TET1: variants seen among roughly 807,000 people sequenced by gnomAD.
TET1 encodes the protein tet methylcytosine dioxygenase 1, also known as methylcytosine dioxygenase TET1.
Under a neutral mutation model 148.7 loss-of-function variants are expected in TET1, and 13 were observed. The observed-to-expected ratio is 0.09, with a 90% CI of 0.06 to 0.14. TET1 has a LOEUF of 0.14. Ranked by LOEUF, TET1 falls within the 10% of genes least tolerant of loss-of-function variation. TET1 has a pLI of 1.00. For missense variants in TET1, 2,182 were observed against 2,553.8 expected, an observed-to-expected ratio of 0.85 and a Z score of 3.14; for synonymous variants, 907 against 937.2, an observed-to-expected ratio of 0.97 and a Z score of 0.59.
chr10:68,636,886 T>A (rs2054657987), intron 3 of TET1, among the ~76,000 whole-genome samples: 1 of 152,120 alleles, frequency 6.6e-6, no homozygotes, highest in African/African-American at 2.4e-5. Context: ...ATGGCTGTAG[T>A]CAGTAGGGAA....
chr10:68,645,497 C>T lies in TET1; in HGVS notation c.2768C>T (p.Thr923Ile), dbSNP rs201601232. The change falls in exon 4 of 12, where the codon ACA (threonine) becomes ATA (isoleucine). Residue 923 changes from threonine (T) to isoleucine (I), a missense_variant. Physicochemically the swap from Thr to Ile is moderately conservative, Grantham distance 89 (BLOSUM62 -1). This residue lies in a region of TET1 where 582 missense variants were observed against 599.5 expected (regional missense o/e 0.97). Transcript: ENST00000373644. ...AAGGATGAGGAATCAGAGCAGAGAA[C>T]AGCCAGTTTGCTTAATAGCTGCAAA... ...SEKDEESEQR[T>I]ASLLNSCKAI... 6.4e-5 allele frequency: 104 copies of T among 1,613,844 alleles called. No homozygotes were observed. Among genetic ancestry groups the T allele is most frequent in the Non-Finnish European group, 8.2e-5 (97 of 1,180,052 alleles).
At chr10:68,611,028 C>T (rs575157188) in intron 3 of TET1, among the ~76,000 whole-genome samples, 2 of 152,304 alleles carry the variant, frequency 1.3e-5, no homozygotes, top group Non-Finnish European at 2.9e-5. Flanking sequence ...GGCGCAGTGG[C>T]TCATGCCTGT....
At chr10:68,605,251 TC>T (rs1289661168) in intron 3 of TET1, among the ~76,000 whole-genome samples, 1 of 152,094 alleles carries the variant, frequency 6.6e-6, no homozygotes, top group Non-Finnish European at 1.5e-5. Flanking sequence ...GGCGGGCAGA[TC>T]ACCTGAGGTT....
Position 68,691,843 on chromosome 10 carries a change from G to T in TET1, c.*29G>T. The T allele has an allele frequency of 1.3e-6, 2 of 1,564,118 alleles. 1 individual carries two copies. The highest frequency in any genetic ancestry group is 1.7e-6 in the Non-Finnish European group (2 of 1,157,600). On this transcript the variant is annotated 3_prime_UTR_variant, in exon 12 of 12. Transcript: ENST00000373644. The surrounding 1 kb of genome is among the most constrained non-coding windows in gnomAD (Gnocchi z 4.4). Reference sequence around the variant, plus strand: ...CTTTTCTCCCCCTCTTAATGCCTTTGCTAGTGCAGTGTATTTTTTCAAGGT... The same window carrying T: ...CTTTTCTCCCCCTCTTAATGCCTTTTCTAGTGCAGTGTATTTTTTCAAGGT...
intron 10 of TET1, 93 bp from the exon 11 acceptor site, chr10:68,686,262 CT>C (rs1394694942): frequency 1.8e-6 from 2 of 1,097,298 alleles, no homozygotes; most frequent in East Asian, 4.8e-5. Flanking sequence ...ATACAAATCT[CT>C]TTCCCAAAGG....
At chr10:68,658,254 C>G (rs1237650210) in intron 6 of TET1, among the ~76,000 whole-genome samples, 2 of 151,758 alleles carry the variant, frequency 1.3e-5, no homozygotes, top group Non-Finnish European at 2.9e-5. Flanking sequence ...CTCTGTTGCC[C>G]AGGCTTGAGT....
chr10:68,591,173 A>G (rs1426028815), intron 2 of TET1, among the ~76,000 whole-genome samples: 2 of 152,224 alleles, frequency 1.3e-5, no homozygotes, highest in Non-Finnish European at 2.9e-5. Flanking sequence ...TTAAACAAAA[A>G]AAGCTAATGT....
chr10:68,611,529 G>A (rs1459585977), intron 3 of TET1, among the ~76,000 whole-genome samples: 1 of 151,800 alleles, frequency 6.6e-6, no homozygotes, highest in African/African-American at 2.4e-5. Flanking sequence ...GCTTATGACT[G>A]TCATTCCAGT....
chr10:68,611,652 T>C (rs75699984), intron 3 of TET1, among the ~76,000 whole-genome samples: 39,314 of 136,676 alleles, frequency 0.29, 5,767 homozygotes, highest in African/African-American at 0.4. Context: ...GACCCTTTCT[T>C]TCTTTTCTTT....
At position 68,681,040 on chromosome 10, in the gene TET1, A is replaced by G. The variant is rs375791944; in HGVS notation, c.4825-359A>G. Among the ~76,000 whole-genome samples the G allele has an allele frequency of 8.5e-5, 13 of 152,248 alleles. No homozygotes were observed. The East Asian group carries it at 2.1e-3, about 25-fold the overall frequency. ...TTACATTGTAACCAAGTTACTTGCC[A>G]TTTCCCCTTGCCAGCAAGAACGTTG... is the stretch of plus-strand genomic sequence containing the variant. On this transcript the variant is annotated intron_variant, in intron 8 of 11. Coordinates refer to ENST00000373644, the MANE Select transcript of TET1 (RefSeq NM_030625.3).
intron 6 of TET1, among the ~76,000 whole-genome samples, chr10:68,662,937 C>G (rs982539022): frequency 2.6e-5 from 4 of 151,820 alleles, no homozygotes; most frequent in African/African-American, 9.7e-5. Context: ...GAAAAGAAAA[C>G]AAAACAAAAA....
At chr10:68,624,953 C>G (rs1266294009) in intron 3 of TET1, among the ~76,000 whole-genome samples, 1 of 151,042 alleles carries the variant, frequency 6.6e-6, no homozygotes, top group African/African-American at 2.4e-5. Context: ...CCAGGGTGGT[C>G]TCGATCTCCT....
intron 2 of TET1, among the ~76,000 whole-genome samples, chr10:68,582,898 A>AG (rs2053817145): frequency 1.3e-5 from 2 of 152,286 alleles, no homozygotes; most frequent in South Asian, 4.1e-4. Flanking sequence ...GGGGAAAAAA[A>AG]CCAAAAAACA....
At chr10:68,576,276 C>G (rs7096497) in intron 2 of TET1, among the ~76,000 whole-genome samples, 74,412 of 150,410 alleles carry the variant, frequency 0.49, 18,975 homozygotes, top group East Asian at 0.56. Context: ...ACTTGAACCT[C>G]GGAAGCAGAA....
Position 68,643,104 on chromosome 10 carries a change from C to G in TET1, c.1969-1594C>G, listed in dbSNP as rs570997955. Among the ~76,000 whole-genome samples, 4 of 151,136 alleles carry G rather than the reference C, an allele frequency of 2.6e-5. No individual in the cohort carries two copies. In the East Asian group the frequency reaches 7.8e-4, roughly 30 times the overall value. On this transcript the variant is annotated intron_variant, in intron 3 of 11. Transcript: ENST00000373644. ...TGATATCCTGTCTCTACAACAAATA[C>G]AAAAAAATTAGCCAGGCATGGTGGT...
chr10:68,653,787 G>T (rs1014014262), intron 6 of TET1, among the ~76,000 whole-genome samples: 4 of 151,976 alleles, frequency 2.6e-5, no homozygotes, highest in African/African-American at 9.7e-5. Context: ...CTTCCCATGG[G>T]GATCTTTCCA....
intron 7 of TET1, among the ~76,000 whole-genome samples, chr10:68,668,780 C>T (rs1336176097): frequency 6.6e-6 from 1 of 152,156 alleles, no homozygotes; most frequent in Non-Finnish European, 1.5e-5. Context: ...GTTCAAAAGC[C>T]AGACCAGGCA....
intron 7 of TET1, among the ~76,000 whole-genome samples, chr10:68,668,811 T>A (rs1372647371): frequency 6.6e-6 from 1 of 152,170 alleles, no homozygotes; most frequent in East Asian, 1.9e-4. Flanking sequence ...ACTCCATCTC[T>A]ACAAAAATAT....
intron 8 of TET1, among the ~76,000 whole-genome samples, chr10:68,676,369 C>T (rs538768047): frequency 1.8e-4 from 26 of 146,686 alleles, no homozygotes; most frequent in Non-Finnish European, 2.7e-4. Flanking sequence ...CTGCAAACTC[C>T]GCCTCCCAGG....
Sources: gnomAD v4.1 joint callset for allele counts (sites outside exome capture counted in the v4.1 genomes callset) on GRCh38, gnomAD v4.1.1 for gene constraint, gnomAD v4.1.1 regional missense constraint, Gnocchi (gnomAD v3.1) non-coding constraint, MANE v1.5 for transcripts, NCBI Gene and HGNC (gene_info 2026-07-23, HGNC 2026-07-21) for gene names.